The following LSAMP variants were observed in gnomAD, a reference collection of about 807,000 sequenced individuals.
The protein encoded by LSAMP is limbic system associated membrane protein.
LSAMP carries 7 observed loss-of-function variants against 38.6 expected under a neutral mutation model. The observed-to-expected ratio is 0.18, with a 90% CI of 0.10 to 0.34. The LOEUF (loss-of-function observed/expected upper bound fraction) is 0.34, where lower values mean the gene tolerates loss of function less well. Among genes scored for constraint, LSAMP ranks in the 10% least tolerant of loss-of-function variants. The probability of loss-of-function intolerance (pLI) is 1.00; values close to 1 mark genes in which losing one functional copy is unlikely to be tolerated. For missense variants in LSAMP, 313 were observed against 420.0 expected, an observed-to-expected ratio of 0.75 and a Z score of 2.23; for synonymous variants, 154 against 166.8, an observed-to-expected ratio of 0.92 and a Z score of 0.59.
chr3:116,319,112 G>T (rs2047673666), intron 1 of LSAMP, among the ~76,000 whole-genome samples: 1 of 152,150 alleles, frequency 6.6e-6, no homozygotes, highest in South Asian at 2.1e-4. Context: ...TGAATTCATG[G>T]ATCATCAACC....
chr3:116,230,909 C>T (rs2046396090), intron 1 of LSAMP, among the ~76,000 whole-genome samples: 1 of 152,032 alleles, frequency 6.6e-6, no homozygotes, highest in South Asian at 2.1e-4. Flanking sequence ...GAAGGAGGAA[C>T]CTGAGGAAGA....
intron 1 of LSAMP, among the ~76,000 whole-genome samples, chr3:116,287,025 T>C (rs1272167107): frequency 6.6e-6 from 1 of 152,090 alleles, no homozygotes; most frequent in East Asian, 1.9e-4. Flanking sequence ...CTCCAGTCTC[T>C]CATTGCTTCC....
intron 1 of LSAMP, among the ~76,000 whole-genome samples, chr3:116,241,300 C>T (rs1001401305): frequency 4.6e-5 from 7 of 151,944 alleles, no homozygotes; most frequent in African/African-American, 1.7e-4. Context: ...CGCAGTGGCT[C>T]ATGCCTGTGT....
intron 1 of LSAMP, among the ~76,000 whole-genome samples, chr3:116,317,328 A>G (rs996909644): frequency 4.0e-5 from 6 of 151,846 alleles, no homozygotes; most frequent in Non-Finnish European, 5.9e-5. Context: ...TCCGGACACA[A>G]TACAAAGAGA....
At chr3:116,373,839 T>C (rs1485659753) in intron 1 of LSAMP, among the ~76,000 whole-genome samples, 2 of 151,924 alleles carry the variant, frequency 1.3e-5, no homozygotes, top group Non-Finnish European at 1.5e-5. Flanking sequence ...CAATAGTCTA[T>C]AATCAATATT....
chr3:116,264,003 T>C (rs944408410), intron 1 of LSAMP, among the ~76,000 whole-genome samples: 5 of 152,186 alleles, frequency 3.3e-5, no homozygotes, highest in Admixed American at 3.3e-4. Flanking sequence ...CTGAAAGTGA[T>C]ATTGTGCTGC....
At chr3:116,325,286 G>C (rs74471643) in intron 1 of LSAMP, among the ~76,000 whole-genome samples, 84 of 152,038 alleles carry the variant, frequency 5.5e-4, no homozygotes, top group African/African-American at 1.9e-3. Flanking sequence ...AACTACAGGT[G>C]TATACCACCA....
chr3:116,187,128 G>A (rs1710637543), intron 1 of LSAMP, among the ~76,000 whole-genome samples: 2 of 152,122 alleles, frequency 1.3e-5, no homozygotes, highest in African/African-American at 4.8e-5. Flanking sequence ...CTCTATGTCA[G>A]CTTCTTGGCC....
At chr3:116,177,087 G>A (rs1221682659) in intron 1 of LSAMP, among the ~76,000 whole-genome samples, 1 of 152,016 alleles carries the variant, frequency 6.6e-6, no homozygotes, top group Non-Finnish European at 1.5e-5. Flanking sequence ...CATCTTGAGA[G>A]GTTTCTAATG....
chr3:116,094,348 C>G (rs780671873), intron 1 of LSAMP, among the ~76,000 whole-genome samples: 2 of 152,142 alleles, frequency 1.3e-5, no homozygotes, highest in Non-Finnish European at 2.9e-5. Flanking sequence ...CTGGTTGGAC[C>G]CCTGTCTGCT....
At chr3:116,230,372 A>G (rs1353083213) in intron 1 of LSAMP, among the ~76,000 whole-genome samples, 4 of 152,320 alleles carry the variant, frequency 2.6e-5, no homozygotes, top group Admixed American at 6.5e-5. Context: ...TAGTACAGCA[A>G]AAAGTGAATG....
At chr3:115,859,712 G>T (rs1935618683) in intron 3 of LSAMP, among the ~76,000 whole-genome samples, 1 of 152,196 alleles carries the variant, frequency 6.6e-6, no homozygotes, top group Non-Finnish European at 1.5e-5. Flanking sequence ...AACATCCTGG[G>T]ATTATTCTTC....
chr3:116,193,025 C>G (rs956889092), intron 1 of LSAMP, among the ~76,000 whole-genome samples: 12 of 152,168 alleles, frequency 7.9e-5, no homozygotes, highest in African/African-American at 2.9e-4. Flanking sequence ...TGAATAGTTT[C>G]CTGTACAATT....
chr3:116,288,874 C>T (rs1158903222), intron 1 of LSAMP, among the ~76,000 whole-genome samples: 1 of 152,198 alleles, frequency 6.6e-6, no homozygotes, highest in Non-Finnish European at 1.5e-5. Flanking sequence ...GAGAGACAAA[C>T]AGTATGCCAG....
chr3:116,287,699 A>C (rs1266094279), intron 1 of LSAMP, among the ~76,000 whole-genome samples: 1 of 152,214 alleles, frequency 6.6e-6, no homozygotes, highest in East Asian at 1.9e-4. Context: ...AGAAACCAAA[A>C]TAAATGGCCA....
intron 1 of LSAMP, among the ~76,000 whole-genome samples, chr3:116,149,261 T>C (rs892042639): frequency 1.3e-5 from 2 of 151,824 alleles, no homozygotes; most frequent in Admixed American, 1.3e-4. Context: ...AAAAACAATA[T>C]GGGGAAGAAG....
chr3:115,926,096 T>TACTCCC (rs1937492890), intron 3 of LSAMP, among the ~76,000 whole-genome samples: 1 of 151,908 alleles, frequency 6.6e-6, no homozygotes, highest in South Asian at 2.1e-4. Context: ...TTATGTGAGA[T>TACTCCC]GTATGAAGAA....
Position 115,805,876 on chromosome 3 carries a change from T to C in LSAMP, c.*4441A>G, listed in dbSNP as rs1933618024. Reference sequence around the variant, plus strand: ...TTACATCACTGAGGCAAATGCAGTCTTTGGAGAAGAAATATTCTAAACATT... The same window carrying C: ...TTACATCACTGAGGCAAATGCAGTCCTTGGAGAAGAAATATTCTAAACATT... On this transcript the variant is annotated 3_prime_UTR_variant, in exon 7 of 7. Coordinates refer to ENST00000490035, the MANE Select transcript of LSAMP (RefSeq NM_002338.5). 6.6e-6 allele frequency: 1 copy of C among 152,230 alleles called. No homozygotes were observed. Among genetic ancestry groups the C allele is most frequent in the Non-Finnish European group, 1.5e-5 (1 of 68,032 alleles). 9.4% of individuals were successfully genotyped at this position (152,230 alleles called of 1,614,324 possible).
At chr3:115,894,407 A>G (rs1035093400) in intron 3 of LSAMP, among the ~76,000 whole-genome samples, 1 of 152,014 alleles carries the variant, frequency 6.6e-6, no homozygotes, top group African/African-American at 2.4e-5. Context: ...GACCCTCGGT[A>G]CTCTCTGGAT....
Sources: gnomAD v4.1 joint callset for allele counts (sites outside exome capture counted in the v4.1 genomes callset) on GRCh38, gnomAD v4.1.1 for gene constraint, MANE v1.5 for transcripts, NCBI Gene and HGNC (gene_info 2026-07-23, HGNC 2026-07-21) for gene names.